Variants in PDE4D observed in about 807,000 individuals in gnomAD.
PDE4D encodes 3',5'-cyclic-AMP phosphodiesterase 4D.
Under a neutral mutation model 87.4 loss-of-function variants are expected in PDE4D, and 24 were observed. The observed-to-expected ratio is 0.27, with a 90% CI of 0.20 to 0.39. PDE4D has a LOEUF of 0.39. PDE4D is among the 10% of genes least tolerant of loss of function. The pLI, the probability that PDE4D is intolerant of heterozygous loss-of-function variation, is 1.00. For missense variants in PDE4D, 714 were observed against 1,041.0 expected, an observed-to-expected ratio of 0.69 and a Z score of 4.32; for synonymous variants, 384 against 383.2, an observed-to-expected ratio of 1.00 and a Z score of -0.02.
intron 2 of PDE4D, among the ~76,000 whole-genome samples, chr5:60,084,309 TTA>T (rs943320038): frequency 4.6e-5 from 7 of 152,258 alleles, no homozygotes; most frequent in Non-Finnish European, 7.3e-5. Context: ...TACATCACTT[TTA>T]TATAAGCTTG....
chr5:60,430,656 G>A (rs527560886), intron 1 of PDE4D: 78 of 222,388 alleles, frequency 3.5e-4, no homozygotes, highest in African/African-American at 1.8e-3. Context: ...AGTGAACAAA[G>A]GTCTCTGGTT....
chr5:59,439,997 CA>C (rs1345706990), intron 1 of PDE4D, among the ~76,000 whole-genome samples: 1 of 152,228 alleles, frequency 6.6e-6, no homozygotes, highest in East Asian at 1.9e-4. Flanking sequence ...GAAAATAATC[CA>C]ATGAAGCTAA....
At chr5:59,063,602 T>TCAGGGC (rs1157269829) in intron 5 of PDE4D, 1 of 152,184 alleles carries the variant, frequency 6.6e-6, no homozygotes, top group East Asian at 1.9e-4. Context: ...TTGAGATGGG[T>TCAGGGC]CAGGGCCAGG....
intron 1 of PDE4D, among the ~76,000 whole-genome samples, chr5:59,748,461 C>A (rs1440925996): frequency 6.6e-6 from 1 of 152,122 alleles, no homozygotes; most frequent in Non-Finnish European, 1.5e-5. Flanking sequence ...CCATGAAATA[C>A]TATGCAGCCA....
intron 1 of PDE4D, among the ~76,000 whole-genome samples, chr5:60,193,222 C>T (rs1051982418): frequency 2.6e-5 from 4 of 151,932 alleles, no homozygotes; most frequent in Non-Finnish European, 5.9e-5. Context: ...GTGCTAGTTT[C>T]CGGGAATGCA....
intron 1 of PDE4D, among the ~76,000 whole-genome samples, chr5:59,689,740 G>T (rs1393663339): frequency 2.6e-5 from 4 of 152,110 alleles, no homozygotes; most frequent in Non-Finnish European, 5.9e-5. Flanking sequence ...GCAGGAGAAA[G>T]AAATAAAGGG....
At chr5:59,657,262 T>C (rs200446384) in intron 1 of PDE4D, among the ~76,000 whole-genome samples, 16 of 152,228 alleles carry the variant, frequency 1.1e-4, no homozygotes, top group Non-Finnish European at 2.1e-4. Context: ...GCTATTTTAA[T>C]TGCTAAAATT....
chr5:60,058,768 T>C (rs115823924), intron 2 of PDE4D, among the ~76,000 whole-genome samples: 5 of 152,024 alleles, frequency 3.3e-5, no homozygotes, highest in Non-Finnish European at 7.4e-5. Flanking sequence ...CTATAACATT[T>C]TGAGAAAAAA....
intron 1 of PDE4D, among the ~76,000 whole-genome samples, chr5:59,354,617 C>T (rs965252098): frequency 6.6e-6 from 1 of 152,054 alleles, no homozygotes; most frequent in East Asian, 1.9e-4. Context: ...AGTACATTGT[C>T]GTGGCTGAAT....
chr5:59,371,956 C>G (rs1323930988), intron 1 of PDE4D, among the ~76,000 whole-genome samples: 1 of 152,158 alleles, frequency 6.6e-6, no homozygotes, highest in African/African-American at 2.4e-5. Flanking sequence ...GCTGTATAAC[C>G]CTGGGACTGC....
intron 1 of PDE4D, among the ~76,000 whole-genome samples, chr5:59,624,349 T>A (rs991315936): frequency 6.6e-6 from 1 of 152,154 alleles, no homozygotes; most frequent in African/African-American, 2.4e-5. Flanking sequence ...CCACTCTATC[T>A]ACAAATTCTC....
chr5:60,455,255 G>C (rs977566961), intron 1 of PDE4D, among the ~76,000 whole-genome samples: 1 of 152,112 alleles, frequency 6.6e-6, no homozygotes, highest in Non-Finnish European at 1.5e-5. Flanking sequence ...AGGGAACAAA[G>C]TTATTTTCTA....
At chr5:59,557,082 A>G (rs1300019475) in intron 1 of PDE4D, among the ~76,000 whole-genome samples, 1 of 152,228 alleles carries the variant, frequency 6.6e-6, no homozygotes, top group African/African-American at 2.4e-5. Context: ...GATGAAATAA[A>G]TAAACTTTTT....
intron 2 of PDE4D, among the ~76,000 whole-genome samples, chr5:60,104,170 T>C (rs1776569824): frequency 6.6e-6 from 1 of 152,184 alleles, no homozygotes; most frequent in African/African-American, 2.4e-5. Context: ...TACTGCGCTT[T>C]TCCCACGGGC....
At chr5:59,706,010 G>A (rs1362942) in intron 1 of PDE4D, among the ~76,000 whole-genome samples, 39,009 of 151,894 alleles carry the variant, frequency 0.26, 5,308 homozygotes, top group African/African-American at 0.32. Flanking sequence ...ATTAAATTAG[G>A]TTTAATATGA....
At chr5:59,283,114 G>A (rs977832108) in intron 1 of PDE4D, among the ~76,000 whole-genome samples, 47 of 152,120 alleles carry the variant, frequency 3.1e-4, no homozygotes, top group African/African-American at 1.1e-3. Context: ...ATTTTCTGAG[G>A]ACTAAAAAAG....
chr5:59,610,385 A>G (rs1423643282), intron 1 of PDE4D, among the ~76,000 whole-genome samples: 1 of 152,182 alleles, frequency 6.6e-6, no homozygotes, highest in East Asian at 1.9e-4. Flanking sequence ...CTAATTAATT[A>G]TGTGTTTGTT....
intron 1 of PDE4D, among the ~76,000 whole-genome samples, chr5:59,750,945 C>CAAAAAAA (rs34787047): frequency 1.5e-5 from 1 of 68,758 alleles, no homozygotes; most frequent in African/African-American, 5.6e-5. Flanking sequence ...GACCCTGTCT[C>CAAAAAAA]AAAAAAAAAA....
At chr5:59,047,315 A>T (rs1580506086) in intron 5 of PDE4D, among the ~76,000 whole-genome samples, 2 of 152,268 alleles carry the variant, frequency 1.3e-5, no homozygotes, top group East Asian at 3.8e-4. Flanking sequence ...ATTCTGAAGA[A>T]GTTCACTTAG....
Sources: allele counts gnomAD v4.1 joint callset (sites outside exome capture counted in the v4.1 genomes callset), GRCh38; gene constraint gnomAD v4.1.1; transcripts MANE v1.5; gene names NCBI Gene and HGNC (gene_info 2026-07-23, HGNC 2026-07-21).